The following HIRA variants were observed in gnomAD, a reference collection of about 807,000 sequenced individuals.
The protein encoded by HIRA is histone cell cycle regulator.
A neutral mutation model predicts 126.6 loss-of-function variants in HIRA; 13 were observed. That is an observed-to-expected ratio of 0.10 (90% CI 0.07 to 0.16). HIRA has a LOEUF of 0.16. Ranked by LOEUF, HIRA falls within the 10% of genes least tolerant of loss-of-function variation. The pLI is 1.00. For missense variants in HIRA, 834 were observed against 1,314.4 expected, an observed-to-expected ratio of 0.63 and a Z score of 5.65; for synonymous variants, 511 against 520.0, an observed-to-expected ratio of 0.98 and a Z score of 0.24.
intron 21 of HIRA, 138 bp from the exon 22 acceptor site, chr22:19,354,256 C>T (rs2088788559): frequency 2.5e-6 from 2 of 796,148 alleles, no homozygotes; most frequent in Non-Finnish European, 1.9e-6. Flanking sequence ...AGGCTGAGCG[C>T]CCCTGCACTT....
intron 1 of HIRA, among the ~76,000 whole-genome samples, chr22:19,420,808 T>C (rs1395626027): frequency 2.0e-5 from 3 of 152,210 alleles, no homozygotes; most frequent in Non-Finnish European, 4.4e-5. Context: ...AATATATCCA[T>C]GTAACAAAAC....
intron 1 of HIRA, among the ~76,000 whole-genome samples, chr22:19,412,749 T>C (rs1001217004): frequency 8.5e-5 from 13 of 152,168 alleles, no homozygotes; most frequent in African/African-American, 2.9e-4. Context: ...GCTGCACAAG[T>C]AACCAATTAC....
At chr22:19,405,060 C>T (rs2089297594) in intron 5 of HIRA, among the ~76,000 whole-genome samples, 1 of 152,210 alleles carries the variant, frequency 6.6e-6, no homozygotes, top group African/African-American at 2.4e-5. Flanking sequence ...GGAGCACAAG[C>T]TTTCCATGAT....
intron 1 of HIRA, among the ~76,000 whole-genome samples, chr22:19,431,236 C>G (rs918636381): frequency 6.6e-6 from 1 of 152,176 alleles, no homozygotes; most frequent in Admixed American, 6.5e-5. Context: ...AGATGGCCCT[C>G]GCTGCGGTCA....
intron 21 of HIRA, among the ~76,000 whole-genome samples, chr22:19,354,357 G>C (rs1005523688): frequency 1.1e-4 from 16 of 152,252 alleles, no homozygotes; most frequent in African/African-American, 3.9e-4. Flanking sequence ...GAAGGCTGTG[G>C]ATAGGGCCCT....
intron 8 of HIRA, 76 bp from the exon 9 acceptor site, chr22:19,392,290 C>T: frequency 1.2e-6 from 1 of 811,920 alleles, no homozygotes; most frequent in Non-Finnish European, 2.0e-6. Flanking sequence ...TCCCAGCCCA[C>T]TGAAGGGAGT....
intron 11 of HIRA, among the ~76,000 whole-genome samples, chr22:19,386,968 T>C (rs1372198431): frequency 6.6e-6 from 1 of 152,210 alleles, no homozygotes; most frequent in East Asian, 1.9e-4. Flanking sequence ...AATAAGGTCA[T>C]GAGGAGAGCT....
intron 15 of HIRA, among the ~76,000 whole-genome samples, chr22:19,369,335 G>T (rs761369846): frequency 6.6e-6 from 1 of 152,172 alleles, no homozygotes; most frequent in African/African-American, 2.4e-5. Flanking sequence ...GGTTGCAGGG[G>T]TCTCACTGCC....
At chr22:19,392,257 C>T in intron 8 of HIRA, 43 bp from the exon 9 acceptor site, 1 of 1,259,948 alleles carries the variant, frequency 7.9e-7, no homozygotes, top group Non-Finnish European at 1.1e-6. Context: ...AATCAAGCAT[C>T]AGGCATGTCC....
chr22:19,398,292 C>A (rs1026071404), intron 5 of HIRA, among the ~76,000 whole-genome samples: 2 of 152,222 alleles, frequency 1.3e-5, no homozygotes, highest in Non-Finnish European at 2.9e-5. Flanking sequence ...CTTTTACAGA[C>A]GAAGCAACTG....
At chr22:19,334,220 C>T (rs1476529198) in intron 24 of HIRA, among the ~76,000 whole-genome samples, 1 of 151,736 alleles carries the variant, frequency 6.6e-6, no homozygotes, top group Non-Finnish European at 1.5e-5. Flanking sequence ...TGTGATCCGC[C>T]CGCCTTGGCC....
chr22:19,424,921 G>T (rs28755911), intron 1 of HIRA, among the ~76,000 whole-genome samples: 1 of 152,310 alleles, frequency 6.6e-6, no homozygotes, highest in East Asian at 1.9e-4. Flanking sequence ...CCTGTCATCA[G>T]TGTCGGCCCT....
intron 8 of HIRA, 98 bp from the exon 9 acceptor site, chr22:19,392,312 A>G (rs1239750284): frequency 3.0e-6 from 2 of 660,730 alleles, no homozygotes; most frequent in East Asian, 5.6e-5. Context: ...TCCCACAGAC[A>G]TTCTCTGAGC....
chr22:19,386,709 G>T (rs1048830172), intron 11 of HIRA, among the ~76,000 whole-genome samples: 7 of 152,324 alleles, frequency 4.6e-5, no homozygotes, highest in African/African-American at 1.7e-4. Context: ...CTTGGGAAAT[G>T]GTAAGCAGAT....
Position 19,431,308 on chromosome 22 carries a change from C to G in HIRA, c.37+132G>C. On this transcript the variant is annotated intron_variant, in intron 1 of 24. Transcript: ENST00000263208. Reference sequence around the variant, plus strand: ...CGCTGAGGACAAAGTCCGCTCCCGCCGGCTTCTTGGCTTGGGCACCGGGTA... The same window carrying G: ...CGCTGAGGACAAAGTCCGCTCCCGCGGGCTTCTTGGCTTGGGCACCGGGTA... 9 of 1,020,162 alleles carry G rather than the reference C, an allele frequency of 8.8e-6. No homozygotes were observed. In the Admixed American group the frequency reaches 1.6e-4, roughly 18 times the overall value. 63.2% of individuals were successfully genotyped at this position (1,020,162 alleles called of 1,614,324 possible).
intron 13 of HIRA, among the ~76,000 whole-genome samples, chr22:19,382,678 G>C (rs970290531): frequency 6.6e-6 from 1 of 152,130 alleles, no homozygotes; most frequent in Non-Finnish European, 1.5e-5. Flanking sequence ...CAAATGCCCT[G>C]AGCAGATAGA....
Position 19,385,868 on chromosome 22 carries a change from C to T in HIRA, c.1114-132G>A, listed in dbSNP as rs984749265. The T allele has an allele frequency of 1.9e-5, 14 of 749,364 alleles. No homozygotes were observed. The Middle Eastern group carries it at 1.1e-3, about 59-fold the overall frequency. The allele number at this position is 749,364 out of a possible 1,614,324, so 46.4% of individuals were successfully genotyped here. On this transcript the variant is annotated intron_variant, in intron 11 of 24. Transcript: ENST00000263208. Reference sequence around the variant, plus strand: ...AAGGGACCCAAGGCCAACTCCCCATCGCCTCCCATCCTATTCTGCCTGTCC... The same window carrying T: ...AAGGGACCCAAGGCCAACTCCCCATTGCCTCCCATCCTATTCTGCCTGTCC...
intron 1 of HIRA, among the ~76,000 whole-genome samples, chr22:19,424,115 T>C (rs2146259341): frequency 6.6e-6 from 1 of 152,328 alleles, no homozygotes; most frequent in Admixed American, 6.5e-5. Context: ...ACTACTATGG[T>C]GTGTACCAAG....
At chr22:19,384,408 AT>A (rs1351602436) in intron 12 of HIRA, among the ~76,000 whole-genome samples, 1 of 151,592 alleles carries the variant, frequency 6.6e-6, no homozygotes, top group Non-Finnish European at 1.5e-5. Flanking sequence ...CACACTAAGT[AT>A]GTATAACTTT....
Sources: allele counts gnomAD v4.1 joint callset (sites outside exome capture counted in the v4.1 genomes callset), GRCh38; gene constraint gnomAD v4.1.1; transcripts MANE v1.5; gene names NCBI Gene and HGNC (gene_info 2026-07-23, HGNC 2026-07-21).